The following KIAA0825 variants were observed in gnomAD, a reference collection of about 807,000 sequenced individuals.
KIAA0825 encodes KIAA0825.
KIAA0825 carries 119 observed loss-of-function variants against 147.6 expected under a neutral mutation model. The observed-to-expected ratio is 0.81, with a 90% CI of 0.69 to 0.94. KIAA0825 has a LOEUF of 0.94. Among genes scored for constraint, KIAA0825 ranks in the 40% least tolerant of loss-of-function variants. The probability of loss-of-function intolerance (pLI) is 0.00; values close to 1 mark genes in which losing one functional copy is unlikely to be tolerated. For missense variants in KIAA0825, 1,381 were observed against 1,472.7 expected (o/e 0.94, Z 1.02); for synonymous variants, 470 against 518.1 (o/e 0.91, Z 1.26).
rs143450734 is a variant in KIAA0825 at position 94,390,375 on chromosome 5, A to G, written c.3456+1160T>C. On this transcript the variant is annotated intron_variant, in intron 18 of 20. Coordinates refer to ENST00000682413, the MANE Select transcript of KIAA0825 (RefSeq NM_001145678.3). The stretch of plus-strand genomic sequence containing the variant: ...TCCGAATGGCCAAGTGCACATACCA[A>G]TGAGGAGCATCACTTTGCAATAGAG... Among the ~76,000 whole-genome samples the G allele has an allele frequency of 1.3e-3, 197 of 152,288 alleles. 1 individual carries two copies. Among genetic ancestry groups the G allele is most frequent in the African/African-American group, 4.1e-3 (172 of 41,564 alleles).
chr5:94,602,133 A>G (rs1012452151), intron 1 of KIAA0825, among the ~76,000 whole-genome samples: 2 of 152,108 alleles, frequency 1.3e-5, no homozygotes, highest in African/African-American at 4.8e-5. Context: ...GCGGATCATG[A>G]GGTCAGGAGA....
chr5:94,363,689 C>T (rs1271377455), intron 20 of KIAA0825, among the ~76,000 whole-genome samples: 2 of 151,814 alleles, frequency 1.3e-5, no homozygotes, highest in Admixed American at 1.3e-4. Context: ...TGCAAGAACC[C>T]ATCTCTACAA....
At chr5:94,381,413 C>T (rs1748395177) in intron 20 of KIAA0825, among the ~76,000 whole-genome samples, 1 of 152,174 alleles carries the variant, frequency 6.6e-6, no homozygotes, top group South Asian at 2.1e-4. Context: ...GCAAAACTTG[C>T]ATTTGTTGCA....
chr5:94,228,341 C>T (rs567550028), intron 20 of KIAA0825, among the ~76,000 whole-genome samples: 15 of 152,252 alleles, frequency 9.9e-5, no homozygotes, highest in Middle Eastern at 3.4e-3. Flanking sequence ...TGATATTTAC[C>T]TCCATTTTTC....
intron 20 of KIAA0825, among the ~76,000 whole-genome samples, chr5:94,265,966 C>G (rs1409003406): frequency 1.3e-5 from 2 of 152,170 alleles, no homozygotes; most frequent in Admixed American, 6.5e-5. Flanking sequence ...AAGCATTTCA[C>G]TGCATACCCA....
At chr5:94,405,857 C>T (rs1261920086) in intron 15 of KIAA0825, among the ~76,000 whole-genome samples, 1 of 152,162 alleles carries the variant, frequency 6.6e-6, no homozygotes, top group Non-Finnish European at 1.5e-5. Context: ...ATAAATGTAG[C>T]ATCTAAGTTA....
At chr5:94,443,167 G>T (rs928527409) in intron 13 of KIAA0825, among the ~76,000 whole-genome samples, 1 of 152,152 alleles carries the variant, frequency 6.6e-6, no homozygotes, top group South Asian at 2.1e-4. Flanking sequence ...GACTCACTAT[G>T]AGGAAAAATA....
At position 94,386,326 on chromosome 5, in the gene KIAA0825, A is replaced by T; in HGVS notation, c.3535T>A (p.Leu1179Met). 6.4e-7 allele frequency: 1 copy of T among 1,551,620 alleles called. No homozygotes were observed. The highest frequency in any genetic ancestry group is 8.7e-7 in the Non-Finnish European group (1 of 1,146,826). ...PLPIRPLKTT[L>M]RSIEDQPSAF... is the part of the protein sequence containing the mutation. Reference sequence around the variant, plus strand: ...GAAGGCTGATCTTCTATACTCCTCAAGGTCGTCTTTAAAGGTCGGATGGGT... The same window carrying T: ...GAAGGCTGATCTTCTATACTCCTCATGGTCGTCTTTAAAGGTCGGATGGGT... The change falls in exon 19 of 21, where the codon TTG becomes ATG. Residue 1179 changes from leucine to methionine, a missense_variant. Coordinates refer to ENST00000682413, the MANE Select transcript of KIAA0825 (RefSeq NM_001145678.3).
chr5:94,151,396 C>A lies in KIAA0825; in HGVS notation c.*2611G>T, dbSNP rs1766472988. 1.5e-5 allele frequency among the ~76,000 whole-genome samples: 2 copies of A among 136,302 alleles called. No homozygotes were observed. The highest frequency in any genetic ancestry group is 3.1e-5 in the Non-Finnish European group (2 of 65,208). The allele number at this position is 136,302 out of a possible 152,430, so 89.4% of individuals were successfully genotyped here. A position where few individuals can be genotyped will look rare whatever the true frequency, so the allele number is the denominator to read the frequency against. ...TGCGCCACTGCAGTCCGCAGTCCGGCCTGGGCGACAGAGCGAGACTCCGTC... is the reference window on the plus strand; with the variant it reads ...TGCGCCACTGCAGTCCGCAGTCCGGACTGGGCGACAGAGCGAGACTCCGTC... On this transcript the variant is annotated 3_prime_UTR_variant, in exon 21 of 21. Transcript: ENST00000682413.
intron 10 of KIAA0825, among the ~76,000 whole-genome samples, 157 bp from the exon 11 acceptor site, chr5:94,465,216 T>G (rs1302154139): frequency 1.3e-5 from 2 of 152,224 alleles, no homozygotes; most frequent in African/African-American, 4.8e-5. Context: ...TAAAACATCC[T>G]TATTGACAAA....
intron 20 of KIAA0825, among the ~76,000 whole-genome samples, chr5:94,248,980 G>A (rs1775790061): frequency 6.6e-6 from 1 of 152,020 alleles, no homozygotes; most frequent in Non-Finnish European, 1.5e-5. Flanking sequence ...CACAGATTTG[G>A]TGCTATAATA....
chr5:94,530,064 G>T (rs1044811923), intron 3 of KIAA0825, among the ~76,000 whole-genome samples: 1 of 151,814 alleles, frequency 6.6e-6, no homozygotes, highest in Non-Finnish European at 1.5e-5. Flanking sequence ...TGAGGTCAGG[G>T]GTTCGAGACC....
At chr5:94,254,941 A>G (rs1776166263) in intron 20 of KIAA0825, among the ~76,000 whole-genome samples, 1 of 152,038 alleles carries the variant, frequency 6.6e-6, no homozygotes, top group African/African-American at 2.4e-5. Context: ...TTACAGATGT[A>G]TTTCTCTTTA....
intron 20 of KIAA0825, among the ~76,000 whole-genome samples, chr5:94,260,572 G>T (rs74698825): frequency 0.012 from 1,804 of 152,212 alleles, 36 homozygotes; most frequent in African/African-American, 0.041. Flanking sequence ...ATAAGTTTCT[G>T]AAGTCAGAAT....
chr5:94,262,479 A>T (rs1379290020), intron 20 of KIAA0825, among the ~76,000 whole-genome samples: 3 of 152,232 alleles, frequency 2.0e-5, no homozygotes, highest in Non-Finnish European at 4.4e-5. Context: ...CTACACAAAG[A>T]TAAACAAATA....
intron 6 of KIAA0825, among the ~76,000 whole-genome samples, chr5:94,478,210 A>G (rs1762112407): frequency 6.6e-6 from 1 of 152,182 alleles, no homozygotes; most frequent in South Asian, 2.1e-4. Context: ...TTTTGTTCTG[A>G]TGTTAATTTC....
At chr5:94,213,050 C>T (rs1772868458) in intron 20 of KIAA0825, among the ~76,000 whole-genome samples, 1 of 152,108 alleles carries the variant, frequency 6.6e-6, no homozygotes, top group Non-Finnish European at 1.5e-5. Context: ...GTAATATCAT[C>T]CCCATTTCAT....
intron 2 of KIAA0825, among the ~76,000 whole-genome samples, chr5:94,542,954 A>C (rs956350177): frequency 6.6e-6 from 1 of 152,238 alleles, no homozygotes; most frequent in Non-Finnish European, 1.5e-5. Flanking sequence ...AAAGCCAATA[A>C]AAGCCTTTTG....
At chr5:94,527,391 G>A (rs1197756716) in intron 3 of KIAA0825, among the ~76,000 whole-genome samples, 2 of 151,912 alleles carry the variant, frequency 1.3e-5, no homozygotes, top group Non-Finnish European at 2.9e-5. Context: ...GTATTATCCA[G>A]TCATAAAATA....
Sources: allele counts gnomAD v4.1 joint callset (sites outside exome capture counted in the v4.1 genomes callset), GRCh38; gene constraint gnomAD v4.1.1; transcripts MANE v1.5; gene names NCBI Gene and HGNC (gene_info 2026-07-23, HGNC 2026-07-21).